The following CEP104 variants were observed in gnomAD, a reference collection of about 807,000 sequenced individuals.
CEP104 encodes centrosomal protein 104, also known as centrosomal protein of 104 kDa.
A neutral mutation model predicts 113.3 loss-of-function variants in CEP104; 84 were observed. The ratio of observed to expected loss-of-function variants is 0.74; its 90% CI spans 0.62 to 0.89. CEP104 has a LOEUF of 0.89. Among genes scored for constraint, CEP104 ranks in the 40% least tolerant of loss-of-function variants. The probability of loss-of-function intolerance (pLI) is 0.00; values close to 1 mark genes in which losing one functional copy is unlikely to be tolerated. For synonymous variants in CEP104, 378 were observed against 421.7 expected (o/e 0.90, Z 1.27); for missense variants, 1,053 against 1,156.6 (o/e 0.91, Z 1.30).
rs532032285 is a variant in CEP104 at position 3,815,083 on chromosome 1, C to T, written c.*319G>A. ...TGTGCTGACCGTGGCCTTGCGCGAG[C>T]GCCTCCCGGCGGTGCTCTCTGGCTC... On this transcript the variant is annotated 3_prime_UTR_variant, in exon 22 of 22. Coordinates refer to ENST00000378230, the MANE Select transcript of CEP104 (RefSeq NM_014704.4). 23 of 250,578 alleles carry T rather than the reference C, an allele frequency of 9.2e-5. No homozygotes were observed. The East Asian group carries it at 9.4e-4, about 10-fold the overall frequency. The allele number at this position is 250,578 out of a possible 1,614,324, so 15.5% of individuals were successfully genotyped here.
chr1:3,849,924 C>A (rs1049524642), intron 2 of CEP104, among the ~76,000 whole-genome samples: 1 of 152,130 alleles, frequency 6.6e-6, no homozygotes, highest in Non-Finnish European at 1.5e-5. Flanking sequence ...CATGAGACAG[C>A]GGTCCCATAA....
chr1:3,826,619 G>T, intron 16 of CEP104, 89 bp downstream of exon 16: 1 of 1,483,228 alleles, frequency 6.7e-7, no homozygotes, highest in Non-Finnish European at 9.4e-7. Context: ...GACAGAAGCC[G>T]TTCCCACATG....
At chr1:3,847,342 G>A (rs1644525796) in intron 4 of CEP104, 133 bp downstream of exon 4, 3 of 936,720 alleles carry the variant, frequency 3.2e-6, no homozygotes, top group Admixed American at 5.5e-5. Context: ...AGCTCAGAGA[G>A]CTCAGCAGTC....
rs746769978 is a variant in CEP104 at position 3,852,415 on chromosome 1, G to A, written c.-8C>T. On this transcript the variant is annotated 5_prime_UTR_variant, in exon 2 of 22. The change creates a new upstream start codon in the 5' untranslated region. Coordinates refer to ENST00000378230, the MANE Select transcript of CEP104 (RefSeq NM_014704.4). ...TCCAATCTTGTGGGGCATTCTGCAC[G>A]TTTGGGCTGTTTATAAGAGCAGGAA... The A allele has an allele frequency of 4.3e-6, 7 of 1,611,270 alleles. No homozygotes were observed. The highest frequency in any genetic ancestry group is 3.4e-5 in the Admixed American group (2 of 59,438).
At chr1:3,829,603 GTCT>G in intron 14 of CEP104, 185 bp downstream of exon 14, 1 of 692,210 alleles carries the variant, frequency 1.4e-6, no homozygotes, top group Admixed American at 2.7e-5. Context: ...GAACCTAAGG[GTCT>G]CACTGGCAGA....
intron 1 of CEP104, among the ~76,000 whole-genome samples, chr1:3,854,723 C>T (rs1393766356): frequency 1.3e-5 from 2 of 149,178 alleles, no homozygotes; most frequent in Non-Finnish European, 3.0e-5. Context: ...GGCCAATCTG[C>T]CCGCCTTGGC....
intron 21 of CEP104, chr1:3,816,016 C>G: frequency 2.3e-6 from 1 of 427,156 alleles, no homozygotes; most frequent in Non-Finnish European, 4.2e-6. Flanking sequence ...GTAGAAAGAG[C>G]GGAGGACGGG....
At chr1:3,837,581 C>T in intron 8 of CEP104, 62 bp from the exon 9 acceptor site, 1 of 1,368,324 alleles carries the variant, frequency 7.3e-7, no homozygotes. Context: ...ATATCTATCT[C>T]ATTCCTTCAG....
chr1:3,820,442 C>T (rs1643948600), intron 20 of CEP104, among the ~76,000 whole-genome samples: 1 of 52,970 alleles, frequency 1.9e-5, no homozygotes, highest in South Asian at 6.2e-4. Flanking sequence ...GCAGGATGCC[C>T]TGTAGGAAAA....
intron 18 of CEP104, 103 bp downstream of exon 18, chr1:3,825,655 C>A: frequency 1.3e-6 from 1 of 758,714 alleles, no homozygotes; most frequent in Non-Finnish European, 2.3e-6. Flanking sequence ...CGCAACCTCT[C>A]CTCTGAAAAT....
chr1:3,855,341 A>G (rs1324358073), intron 1 of CEP104, among the ~76,000 whole-genome samples: 2 of 126,636 alleles, frequency 1.6e-5, no homozygotes, highest in Non-Finnish European at 3.3e-5. Flanking sequence ...GCCACCATGC[A>G]CAGCTACTTT....
chr1:3,832,520 AGGAGTGTAGTGTAGGT>A (rs1644234744), intron 12 of CEP104, among the ~76,000 whole-genome samples: 1 of 94,824 alleles, frequency 1.1e-5, no homozygotes, highest in South Asian at 3.0e-4. Flanking sequence ...GGTCGTGACC[AGGAGTGTAGTGTAGGT>A]CATAACCAGG....
chr1:3,836,005 TAA>T (rs34927580), intron 10 of CEP104, among the ~76,000 whole-genome samples: 217 of 141,942 alleles, frequency 1.5e-3, no homozygotes, highest in Middle Eastern at 3.7e-3. Flanking sequence ...CTCTGTTTCA[TAA>T]AAAAAAAAAA....
rs948380793 is a variant in CEP104, at chr1:3,816,322, G to A, written c.2620C>T (p.Arg874Cys). The A allele has an allele frequency of 5.1e-6, 8 of 1,553,464 alleles. No homozygotes were observed. Among genetic ancestry groups the A allele is most frequent in the African/African-American group, 4.1e-5 (3 of 73,232 alleles). Reference protein sequence around the residue: ...MGPAGCTMNLRKTHILQKAPA... With the variant: ...MGPAGCTMNLCKTHILQKAPA... ...GCCTTCTGCAGAATGTGTGTCTTGC[G>A]CAGGTTCATCGTGCAGCCGGCTGGG... The change falls in exon 21 of 22, where the codon CGC becomes TGC. Residue 874 changes from arginine (R) to cysteine (C), a missense_variant. Transcript: ENST00000378230.
chr1:3,833,951 G>A lies in CEP104; in HGVS notation c.1570C>T (p.His524Tyr), dbSNP rs778672499. The A allele has an allele frequency of 6.2e-6, 10 of 1,613,712 alleles. No homozygotes were observed. The African/African-American group carries it at 1.2e-4, about 19-fold the overall frequency. ...KHKLSKLETA[H>Y]CVERTIPVLL... ...ACGGGAATGGTCCTCTCCACACAGT[G>A]AGCTGTTTCAAGTTTACTCAGTTTA... Residue 524 changes from histidine (H) to tyrosine (Y), a missense_variant, in exon 12 of 22, where the codon CAC (histidine) becomes TAC (tyrosine). His to Tyr is a moderately conservative substitution (Grantham distance 83, BLOSUM62 2). Coordinates refer to ENST00000378230, the MANE Select transcript of CEP104 (RefSeq NM_014704.4).
chr1:3,825,097 AG>A (rs1409486036), intron 18 of CEP104, among the ~76,000 whole-genome samples: 49 of 23,908 alleles, frequency 2.0e-3, no homozygotes, highest in African/African-American at 0.013. Context: ...CACTGTGGGA[AG>A]GGGGGCAGTG....
intron 20 of CEP104, among the ~76,000 whole-genome samples, chr1:3,821,609 C>T (rs1313228828): frequency 6.6e-6 from 1 of 152,186 alleles, no homozygotes; most frequent in African/African-American, 2.4e-5. Context: ...CAGCTGCCAC[C>T]GTCACACATA....
chr1:3,841,517 C>T (rs574789418), intron 6 of CEP104, among the ~76,000 whole-genome samples: 28 of 152,344 alleles, frequency 1.8e-4, no homozygotes, highest in Non-Finnish European at 2.5e-4. Flanking sequence ...ACAAAGACTT[C>T]ATTTGATTAT....
chr1:3,827,326 T>C (rs1644111172), intron 15 of CEP104, among the ~76,000 whole-genome samples: 2 of 151,994 alleles, frequency 1.3e-5, no homozygotes, highest in African/African-American at 4.8e-5. Flanking sequence ...GCCATCCTCC[T>C]GCCCCAGCCT....
Sources: gnomAD v4.1 joint callset for allele counts (sites outside exome capture counted in the v4.1 genomes callset) on GRCh38, gnomAD v4.1.1 for gene constraint, MANE v1.5 for transcripts, NCBI Gene and HGNC (gene_info 2026-07-23, HGNC 2026-07-21) for gene names.